PTPN13: variants seen among roughly 807,000 people sequenced by gnomAD.
PTPN13 encodes tyrosine-protein phosphatase non-receptor type 13.
PTPN13 carries 191 observed loss-of-function variants against 284.0 expected under a neutral mutation model. The ratio of observed to expected loss-of-function variants is 0.67; its 90% CI spans 0.60 to 0.76. The LOEUF is 0.76. PTPN13 is among the 30% of genes least tolerant of loss of function. The pLI is 0.00. For missense variants in PTPN13, 2,797 were observed against 2,939.9 expected (o/e 0.95, Z 1.12); for synonymous variants, 986 against 1,022.3 (o/e 0.96, Z 0.68).
At chr4:86,753,129 T>C (rs763518526) in intron 20 of PTPN13, 64 bp downstream of exon 20, 250 of 1,280,868 alleles carry the variant, frequency 2.0e-4, no homozygotes, top group Non-Finnish European at 2.6e-4. Context: ...GAGATAGTCT[T>C]GGACCTAACA....
chr4:86,811,181 C>A, intron 47 of PTPN13, 73 bp downstream of exon 47: 1 of 1,396,616 alleles, frequency 7.2e-7, no homozygotes, highest in South Asian at 1.5e-5. Flanking sequence ...CTTATTAAAC[C>A]ATTTTTCTTT....
chr4:86,751,159 A>G (rs767736197), intron 19 of PTPN13, 35 bp downstream of exon 19: 5 of 1,413,884 alleles, frequency 3.5e-6, no homozygotes, highest in Non-Finnish European at 5.0e-6. Flanking sequence ...TTTGTCCCAT[A>G]CCTCATGCTC....
intron 1 of PTPN13, among the ~76,000 whole-genome samples, chr4:86,599,788 T>G (rs1764136243): frequency 6.6e-6 from 1 of 152,140 alleles, no homozygotes; most frequent in Non-Finnish European, 1.5e-5. Context: ...CTCAGTCTTT[T>G]GTACCTAGTT....
At chr4:86,706,916 A>G (rs111243024) in intron 7 of PTPN13, among the ~76,000 whole-genome samples, 293 of 152,152 alleles carry the variant, frequency 1.9e-3, no homozygotes, top group Admixed American at 3.5e-3. Context: ...GCACAGGACT[A>G]TCTAATTCTC....
chr4:86,600,482 G>A (rs1012185859), intron 1 of PTPN13, among the ~76,000 whole-genome samples: 12 of 103,682 alleles, frequency 1.2e-4, no homozygotes, highest in Admixed American at 1.5e-4. Context: ...AGGTAGATTT[G>A]CCTACAGAAC....
intron 2 of PTPN13, among the ~76,000 whole-genome samples, chr4:86,640,405 C>G (rs189951823): frequency 6.6e-6 from 1 of 152,272 alleles, no homozygotes; most frequent in Non-Finnish European, 1.5e-5. Flanking sequence ...GTTGATGGCA[C>G]TATTCAGTCA....
At chr4:86,639,484 A>T (rs1227898220) in intron 2 of PTPN13, among the ~76,000 whole-genome samples, 1 of 152,144 alleles carries the variant, frequency 6.6e-6, no homozygotes, top group Non-Finnish European at 1.5e-5. Flanking sequence ...ACACCATGGA[A>T]TACTATGCAG....
chr4:86,715,906 T>G (rs1247615705), intron 7 of PTPN13, among the ~76,000 whole-genome samples: 1 of 152,188 alleles, frequency 6.6e-6, no homozygotes, highest in Non-Finnish European at 1.5e-5. Context: ...TAGATTCTAG[T>G]CCACACTTGC....
Position 86,598,769 on chromosome 4 carries a change from T to A in PTPN13, c.-6+3980T>A, listed in dbSNP as rs145010819. 3.3e-3 allele frequency among the ~76,000 whole-genome samples: 495 copies of A among 152,192 alleles called. 4 individuals are homozygous for A. Among genetic ancestry groups the A allele is most frequent in the Admixed American group, 0.013 (205 of 15,268 alleles). ...ACCTGGATAGCTTTTTTAAGTTTTT[T>A]AATTTTTTTTTAAGAGACAAGATCT... On this transcript the variant is annotated intron_variant, in intron 1 of 47. Coordinates refer to ENST00000411767, the MANE Select transcript of PTPN13 (RefSeq NM_080683.3).
intron 1 of PTPN13, among the ~76,000 whole-genome samples, chr4:86,624,999 C>T (rs949190136): frequency 3.9e-5 from 6 of 152,066 alleles, no homozygotes; most frequent in African/African-American, 1.4e-4. Context: ...ATGAGGACTA[C>T]CTCACTAAGC....
intron 44 of PTPN13, 67 bp from the exon 45 acceptor site, chr4:86,807,493 A>G: frequency 8.3e-7 from 1 of 1,210,970 alleles, no homozygotes; most frequent in South Asian, 1.5e-5. Flanking sequence ...TGACTCATGC[A>G]ATTTGTAAGA....
At chr4:86,699,178 G>C (rs1413339773) in intron 6 of PTPN13, among the ~76,000 whole-genome samples, 2 of 152,048 alleles carry the variant, frequency 1.3e-5, no homozygotes, top group Non-Finnish European at 2.9e-5. Flanking sequence ...ACGAGGTCAG[G>C]AGATCAAGAC....
intron 2 of PTPN13, among the ~76,000 whole-genome samples, chr4:86,665,238 G>T (rs967384729): frequency 6.6e-6 from 1 of 152,142 alleles, no homozygotes; most frequent in Non-Finnish European, 1.5e-5. Context: ...GAGAGAAAAT[G>T]TGTGTGTTTG....
intron 2 of PTPN13, among the ~76,000 whole-genome samples, chr4:86,660,574 T>G (rs1451884436): frequency 2.0e-5 from 3 of 152,160 alleles, no homozygotes; most frequent in Non-Finnish European, 4.4e-5. Context: ...GAGGGTGTAT[T>G]AGTTGTCTTT....
chr4:86,701,890 G>T, intron 7 of PTPN13, 89 bp downstream of exon 7: 1 of 1,309,406 alleles, frequency 7.6e-7, no homozygotes, highest in South Asian at 1.7e-5. Flanking sequence ...TATTCCACAA[G>T]TCTTATTTTC....
rs1331115749 is a variant in PTPN13 at position 86,814,596 on chromosome 4, T to A, written c.*45T>A. The A allele has an allele frequency of 6.3e-6, 9 of 1,436,230 alleles. No individual in the cohort carries two copies. Among genetic ancestry groups the A allele is most frequent in the Non-Finnish European group, 8.8e-6 (9 of 1,022,058 alleles). 89.0% of individuals were successfully genotyped at this position (1,436,230 alleles called of 1,614,324 possible). A position where few individuals can be genotyped will look rare whatever the true frequency, so the allele number is the denominator to read the frequency against. The stretch of plus-strand genomic sequence containing the variant: ...TGCATTTCCATTTCTCTCCTTAACC[T>A]CCAGCAGACTCCTGCTCTCTATCCA... On this transcript the variant is annotated 3_prime_UTR_variant, in exon 48 of 48. Transcript: ENST00000411767.
intron 2 of PTPN13, among the ~76,000 whole-genome samples, 172 bp from the exon 3 acceptor site, chr4:86,672,193 A>G (rs1008980915): frequency 1.3e-5 from 2 of 152,222 alleles, no homozygotes; most frequent in African/African-American, 4.8e-5. Context: ...TTGTATTTGT[A>G]TGAAACCCAA....
intron 1 of PTPN13, among the ~76,000 whole-genome samples, chr4:86,618,543 T>C (rs979575477): frequency 6.6e-6 from 1 of 152,218 alleles, no homozygotes; most frequent in African/African-American, 2.4e-5. Flanking sequence ...ACAATATTGA[T>C]TCTTCCTACC....
chr4:86,648,057 G>A (rs770491080), intron 2 of PTPN13, among the ~76,000 whole-genome samples: 5 of 152,000 alleles, frequency 3.3e-5, no homozygotes, highest in Non-Finnish European at 7.4e-5. Context: ...TCTCAATGGA[G>A]ATCTTCAACA....
Sources: allele counts gnomAD v4.1 joint callset (sites outside exome capture counted in the v4.1 genomes callset), GRCh38; gene constraint gnomAD v4.1.1; transcripts MANE v1.5; gene names NCBI Gene and HGNC (gene_info 2026-07-23, HGNC 2026-07-21).